SEPTIN7: variants seen among roughly 807,000 people sequenced by gnomAD.
The protein encoded by SEPTIN7 is septin-7.
A neutral mutation model predicts 63.3 loss-of-function variants in SEPTIN7; 10 were observed. The ratio of observed to expected loss-of-function variants is 0.16; its 90% CI spans 0.10 to 0.27. SEPTIN7 has a LOEUF of 0.27. Ranked by LOEUF, SEPTIN7 falls within the 10% of genes least tolerant of loss-of-function variation. The probability of loss-of-function intolerance (pLI) is 1.00; values close to 1 mark genes in which losing one functional copy is unlikely to be tolerated. For missense variants in SEPTIN7, 310 were observed against 521.0 expected, an observed-to-expected ratio of 0.59 and a Z score of 3.94; for synonymous variants, 131 against 165.3, an observed-to-expected ratio of 0.79 and a Z score of 1.59.
intron 11 of SEPTIN7, among the ~76,000 whole-genome samples, 160 bp downstream of exon 11, chr7:35,890,953 TAGA>T (rs1212256467): frequency 2.0e-5 from 3 of 152,228 alleles, no homozygotes; most frequent in East Asian, 1.9e-4. Context: ...TTGTTAATAG[TAGA>T]AGCTTTTTTG....
intron 1 of SEPTIN7, among the ~76,000 whole-genome samples, chr7:35,826,590 T>G (rs1259720258): frequency 6.6e-6 from 1 of 151,886 alleles, no homozygotes; most frequent in Non-Finnish European, 1.5e-5. Flanking sequence ...GTCATTTTAG[T>G]TTTTTATTAA....
At chr7:35,890,814 C>A in intron 11 of SEPTIN7, 21 bp downstream of exon 11, 1 of 1,488,432 alleles carries the variant, frequency 6.7e-7, no homozygotes, top group Admixed American at 2.5e-5. Flanking sequence ...ATTTTTTTCT[C>A]CAAAAAGGTA....
chr7:35,912,527 A>G, the SEPTIN7 span, among the ~76,000 whole-genome samples: 4 of 152,042 alleles, frequency 2.6e-5, no homozygotes, highest in African/African-American at 9.7e-5. Flanking sequence ...AGGCTGTGAG[A>G]CCCCTGATTT....
chr7:35,890,569 T>G (rs1640507928), intron 10 of SEPTIN7, 99 bp from the exon 11 acceptor site: 6 of 1,072,592 alleles, frequency 5.6e-6, no homozygotes, highest in Non-Finnish European at 7.3e-6. Flanking sequence ...AATCTGAAAT[T>G]TTTGTTTTGG....
At chr7:35,806,797 T>G (rs1438751114) in intron 1 of SEPTIN7, among the ~76,000 whole-genome samples, 1 of 152,232 alleles carries the variant, frequency 6.6e-6, no homozygotes, top group African/African-American at 2.4e-5. Context: ...GGTAACTTTC[T>G]AAAGTCTCCC....
intron 8 of SEPTIN7, among the ~76,000 whole-genome samples, chr7:35,882,783 A>G (rs1562574593): frequency 1.3e-5 from 2 of 152,110 alleles, no homozygotes; most frequent in South Asian, 4.1e-4. Flanking sequence ...ACTGAGGTGA[A>G]TAACACAATT....
the SEPTIN7 span, among the ~76,000 whole-genome samples, chr7:35,915,420 A>T: frequency 6.6e-6 from 1 of 152,228 alleles, no homozygotes; most frequent in Admixed American, 6.5e-5. Context: ...TTACGCAAGC[A>T]TTAATTTTGC....
At chr7:35,865,050 A>G (rs1204727887) in intron 4 of SEPTIN7, among the ~76,000 whole-genome samples, 1 of 149,706 alleles carries the variant, frequency 6.7e-6, no homozygotes, top group Non-Finnish European at 1.5e-5. Flanking sequence ...TAACCTTTAT[A>G]GGGCTTGAGA....
Position 35,801,079 on chromosome 7 carries a change from G to T in SEPTIN7, c.-131G>T. On this transcript the variant is annotated 5_prime_UTR_variant, in exon 1 of 14. Transcript: ENST00000350320. ...GGGAGTCGAGCGAGAGCCTGTGGAG[G>T]AGTCCGCCTGCTGTAGCGTGCGTAA... 1 of 608,656 alleles carries T rather than the reference G, an allele frequency of 1.6e-6. No individual in the cohort carries two copies. The highest frequency in any genetic ancestry group is 2.6e-6 in the Non-Finnish European group (1 of 379,156). The allele number at this position is 608,656 out of a possible 1,614,324, so 37.7% of individuals were successfully genotyped here.
intron 3 of SEPTIN7, among the ~76,000 whole-genome samples, chr7:35,857,339 G>A (rs183966600): frequency 1.7e-3 from 265 of 152,086 alleles, no homozygotes; most frequent in Middle Eastern, 0.01. Context: ...TGTTTACTTT[G>A]ATGGAGATCA....
chr7:35,913,672 C>T, the SEPTIN7 span, among the ~76,000 whole-genome samples: 6 of 151,980 alleles, frequency 3.9e-5, no homozygotes, highest in African/African-American at 1.2e-4. Flanking sequence ...CTCACTGCAG[C>T]CTTCACCTCT....
At chr7:35,826,865 TG>T (rs1402186754) in intron 1 of SEPTIN7, among the ~76,000 whole-genome samples, 1 of 152,168 alleles carries the variant, frequency 6.6e-6, no homozygotes, top group East Asian at 1.9e-4. Context: ...TAGCAAGATT[TG>T]GGTAACTTTG....
downstream of SEPTIN7, among the ~76,000 whole-genome samples, chr7:35,907,627 AC>A (rs1157569294): frequency 3.3e-5 from 5 of 152,132 alleles, no homozygotes; most frequent in African/African-American, 9.7e-5. Flanking sequence ...CTTAAATATT[AC>A]GCCTTGCAAG....
chr7:35,820,271 T>G (rs1789334096), intron 1 of SEPTIN7, among the ~76,000 whole-genome samples: 1 of 152,124 alleles, frequency 6.6e-6, no homozygotes, highest in Non-Finnish European at 1.5e-5. Flanking sequence ...TGTTGAGCTT[T>G]GATGTTGATA....
At chr7:35,807,270 G>A (rs537788263) in intron 1 of SEPTIN7, among the ~76,000 whole-genome samples, 9 of 148,818 alleles carry the variant, frequency 6.0e-5, no homozygotes, top group African/African-American at 2.2e-4. Flanking sequence ...CGCAGCCTCC[G>A]CCTCCCCGGT....
Position 35,868,019 on chromosome 7 carries a change from C to T in SEPTIN7, c.276+4361C>T, listed in dbSNP as rs143388173. Among the ~76,000 whole-genome samples the T allele has an allele frequency of 6.6e-3, 996 of 151,318 alleles. 14 individuals are homozygous for T. The highest frequency in any genetic ancestry group is 0.023 in the African/African-American group (953 of 41,216). Reference sequence around the variant, plus strand: ...TCCCGGGTAGCTGGGATTACAGGCGCGTACTACACCTGGCTAATTTTTGTA... The same window carrying T: ...TCCCGGGTAGCTGGGATTACAGGCGTGTACTACACCTGGCTAATTTTTGTA... On this transcript the variant is annotated intron_variant, in intron 4 of 13. Coordinates refer to ENST00000350320, the MANE Select transcript of SEPTIN7 (RefSeq NM_001788.6).
chr7:35,904,231 C>T, intron 13 of SEPTIN7, 23 bp from the exon 14 acceptor site: 2 of 1,519,512 alleles, frequency 1.3e-6, no homozygotes, highest in Non-Finnish European at 1.8e-6. Context: ...ACTCATCTTG[C>T]TTATTTTCCT....
intron 3 of SEPTIN7, among the ~76,000 whole-genome samples, chr7:35,838,315 TCCC>T (rs1562536993): frequency 7.6e-4 from 1 of 1,320 alleles, no homozygotes; most frequent in Non-Finnish European, 1.4e-3. Context: ...CCTCCCTCCC[TCCC>T]TCCCTCCCTC....
intron 6 of SEPTIN7, chr7:35,874,096 A>G (rs1786325309): frequency 4.9e-6 from 1 of 203,296 alleles, no homozygotes; most frequent in African/African-American, 2.3e-5. Context: ...AGAAATACCA[A>G]ATAAAGAGAA....
Sources: allele counts gnomAD v4.1 joint callset (sites outside exome capture counted in the v4.1 genomes callset), GRCh38; gene constraint gnomAD v4.1.1; transcripts MANE v1.5; gene names NCBI Gene and HGNC (gene_info 2026-07-23, HGNC 2026-07-21).